Variants in PCLO observed in about 807,000 individuals in gnomAD.
PCLO encodes the protein protein piccolo.
In PCLO, 82 loss-of-function variants were observed where a neutral mutation model predicts 427.5. That is an observed-to-expected ratio of 0.19 (90% CI 0.16 to 0.23). The LOEUF is 0.23. Ranked by LOEUF, PCLO falls within the 10% of genes least tolerant of loss-of-function variation. The pLI, the probability that PCLO is intolerant of heterozygous loss-of-function variation, is 1.00. For synonymous variants in PCLO, 2,357 were observed against 2,155.4 expected (o/e 1.09, Z -2.59); for missense variants, 6,239 against 6,115.9 (o/e 1.02, Z -0.67).
chr7:82,975,043 C>T (rs1056227768), intron 3 of PCLO, among the ~76,000 whole-genome samples: 5 of 152,202 alleles, frequency 3.3e-5, no homozygotes, highest in African/African-American at 9.6e-5. Flanking sequence ...TCCCAAAGTG[C>T]TGGGATTACA....
chr7:83,110,596 T>C (rs1790978306), intron 3 of PCLO, among the ~76,000 whole-genome samples: 2 of 152,164 alleles, frequency 1.3e-5, no homozygotes, highest in African/African-American at 4.8e-5. Flanking sequence ...TTTGACATCA[T>C]TTCTATTCTG....
intron 22 of PCLO, among the ~76,000 whole-genome samples, chr7:82,771,461 T>C (rs1406788126): frequency 1.3e-5 from 2 of 152,044 alleles, no homozygotes; most frequent in Non-Finnish European, 2.9e-5. Flanking sequence ...TCTCTCATAG[T>C]ATAAACTCAT....
intron 3 of PCLO, among the ~76,000 whole-genome samples, chr7:83,111,305 G>A (rs1401137334): frequency 6.6e-6 from 1 of 152,156 alleles, no homozygotes. Flanking sequence ...CTCCAGGTGA[G>A]TGTGGGTGGA....
chr7:83,151,253 G>A (rs541672685), intron 2 of PCLO, among the ~76,000 whole-genome samples: 123 of 152,142 alleles, frequency 8.1e-4, no homozygotes, highest in Non-Finnish European at 1.6e-3. Flanking sequence ...ACTGTTGATC[G>A]AATGTCTTTA....
At chr7:82,798,213 A>G (rs999119166) in intron 22 of PCLO, among the ~76,000 whole-genome samples, 1 of 152,158 alleles carries the variant, frequency 6.6e-6, no homozygotes, top group Non-Finnish European at 1.5e-5. Context: ...AATGAATAAT[A>G]TAAGTAATCG....
At chr7:83,076,652 T>TTA (rs1381846350) in intron 3 of PCLO, among the ~76,000 whole-genome samples, 1 of 149,642 alleles carries the variant, frequency 6.7e-6, no homozygotes, top group Non-Finnish European at 1.5e-5. Flanking sequence ...AGTTTTTTTT[T>TTA]ATTATACTTT....
intron 3 of PCLO, among the ~76,000 whole-genome samples, chr7:83,105,394 C>A (rs1428890022): frequency 6.6e-6 from 1 of 152,110 alleles, no homozygotes; most frequent in Non-Finnish European, 1.5e-5. Context: ...CATATCCCTG[C>A]GTATTAGCTA....
intron 3 of PCLO, among the ~76,000 whole-genome samples, chr7:83,078,388 A>G (rs1429600151): frequency 6.6e-6 from 1 of 152,070 alleles, no homozygotes; most frequent in Non-Finnish European, 1.5e-5. Flanking sequence ...TTTTGAACAG[A>G]AATTGTGAAG....
chr7:83,152,090 T>G (rs886954215), intron 2 of PCLO, among the ~76,000 whole-genome samples: 60 of 151,984 alleles, frequency 3.9e-4, no homozygotes, highest in South Asian at 3.7e-3. Context: ...TCAGCCTCCC[T>G]AGTAGCTGGG....
chr7:83,066,352 T>C (rs545035255), intron 3 of PCLO, among the ~76,000 whole-genome samples: 1 of 152,166 alleles, frequency 6.6e-6, no homozygotes, highest in African/African-American at 2.4e-5. Context: ...TCCATACCAT[T>C]TTCTCCATTT....
rs34431031 is a variant in PCLO, at chr7:82,762,118, C to T, written c.15008-625G>A. 4.0e-3 allele frequency among the ~76,000 whole-genome samples: 609 copies of T among 152,100 alleles called. 1 individual carries two copies. The highest frequency in any genetic ancestry group is 6.9e-3 in the Admixed American group (105 of 15,238). ...CGTGCTTATTGGTTTCATGCTTTTT[C>T]TATCTATTGGGAAGAAAACCATTCA... is the stretch of plus-strand genomic sequence containing the variant. On this transcript the variant is annotated intron_variant, in intron 22 of 24. Coordinates refer to ENST00000333891, the MANE Select transcript of PCLO (RefSeq NM_033026.6).
chr7:82,918,573 G>C (rs1384741994), intron 6 of PCLO, among the ~76,000 whole-genome samples: 2 of 151,958 alleles, frequency 1.3e-5, no homozygotes, highest in Admixed American at 6.6e-5. Context: ...TATTAACATA[G>C]ATATGTCATG....
At chr7:82,812,236 T>C (rs1791588026) in intron 20 of PCLO, among the ~76,000 whole-genome samples, 4 of 151,516 alleles carry the variant, frequency 2.6e-5, no homozygotes, top group African/African-American at 9.7e-5. Context: ...TCTGGCTTTA[T>C]AGATAATAAG....
intron 22 of PCLO, among the ~76,000 whole-genome samples, chr7:82,779,365 C>T (rs557949646): frequency 3.3e-5 from 5 of 152,152 alleles, no homozygotes; most frequent in South Asian, 2.1e-4. Flanking sequence ...CCTTTTCAAC[C>T]TTTCTGTGAG....
chr7:83,131,948 T>A (rs1430539053), intron 3 of PCLO, among the ~76,000 whole-genome samples: 1 of 152,162 alleles, frequency 6.6e-6, no homozygotes, highest in African/African-American at 2.4e-5. Context: ...TATGTATATA[T>A]GTTTATATAT....
chr7:82,826,847 C>T (rs866264539), intron 17 of PCLO, among the ~76,000 whole-genome samples, 187 bp from the exon 18 acceptor site: 28 of 151,900 alleles, frequency 1.8e-4, no homozygotes, highest in African/African-American at 6.8e-4. Context: ...TGATTTTGCA[C>T]TCTAAACTAG....
intron 3 of PCLO, among the ~76,000 whole-genome samples, chr7:83,039,437 C>G (rs925375852): frequency 6.6e-6 from 1 of 152,068 alleles, no homozygotes; most frequent in African/African-American, 2.4e-5. Context: ...GAATATCAAA[C>G]TGTCCCAGTG....
chr7:82,761,257 A>T, intron 23 of PCLO, 102 bp downstream of exon 23: 1 of 616,228 alleles, frequency 1.6e-6, no homozygotes, highest in Admixed American at 3.5e-5. Flanking sequence ...TTTCTGACAT[A>T]TTTGGTGTAC....
Position 82,755,306 on chromosome 7 carries a change from C to T in PCLO, c.*3269G>A, listed in dbSNP as rs866309927. ...TATTAAAGAGTAAAGATAACTGATG[C>T]CCCTTAGTCTTGATATTTTAAACTG... On this transcript the variant is annotated 3_prime_UTR_variant, in exon 25 of 25. Coordinates refer to ENST00000333891, the MANE Select transcript of PCLO (RefSeq NM_033026.6). 1 of 151,952 alleles carries T rather than the reference C, an allele frequency of 6.6e-6. No homozygotes were observed. Among genetic ancestry groups the T allele is most frequent in the African/African-American group, 2.4e-5 (1 of 41,370 alleles). 9.4% of individuals were successfully genotyped at this position (151,952 alleles called of 1,614,324 possible). A position where few individuals can be genotyped will look rare whatever the true frequency, so the allele number is the denominator to read the frequency against.
Sources: allele counts gnomAD v4.1 joint callset (sites outside exome capture counted in the v4.1 genomes callset), GRCh38; gene constraint gnomAD v4.1.1; transcripts MANE v1.5; gene names NCBI Gene and HGNC (gene_info 2026-07-23, HGNC 2026-07-21).